The following ZNF593OS variants were observed in gnomAD, a reference collection of about 807,000 sequenced individuals.
The protein encoded by ZNF593OS is ZNF593 opposite strand, also known as transmembrane protein ZNF593OS.
At position 26,171,738 on chromosome 1, in the gene ZNF593OS, G is replaced by T. The variant is rs1379330673; in HGVS notation, c.-77C>A. 2.5e-6 allele frequency: 1 copy of T among 398,506 alleles called. No individual in the cohort carries two copies. The highest frequency in any genetic ancestry group is 4.4e-6 in the Non-Finnish European group (1 of 226,010). 24.7% of individuals were successfully genotyped at this position (398,506 alleles called of 1,614,324 possible). A position where few individuals can be genotyped will look rare whatever the true frequency, so the allele number is the denominator to read the frequency against. ...AGACCAGTGGTCTTCATGACACCAA[G>T]AAGTGGAAACTAGGGTAGAGGGGTC... On this transcript the variant is annotated 5_prime_UTR_variant, in exon 1 of 2. Coordinates refer to ENST00000648649, the Ensembl canonical transcript of ZNF593OS. This position sits in a 1 kb window ranked among gnomAD's most constrained non-coding sequence, Gnocchi z 5.5.
At chr1:26,170,564 C>G (rs1003442049) in exon 2 of ZNF593OS, 15 of 1,613,870 alleles carry the variant, frequency 9.3e-6, no homozygotes, top group Admixed American at 1.7e-5. Flanking sequence ...TCCTGTTTTT[C>G]TTTCTCCCAG....
At chr1:26,170,845 C>A in exon 2 of ZNF593OS, 1 of 1,236,960 alleles carries the variant, frequency 8.1e-7, no homozygotes, top group Non-Finnish European at 1.1e-6. Context: ...TGGTGCCCTG[C>A]CCCAAATAAA....
At chr1:26,170,882 C>A in exon 2 of ZNF593OS, 4 of 861,010 alleles carry the variant, frequency 4.6e-6, no homozygotes, top group Non-Finnish European at 5.2e-6. Context: ...AACTTGCCTC[C>A]AACTCTAACT....
Position 26,171,714 on chromosome 1 carries a change from G to T in ZNF593OS, c.-53C>A. ...CCTGTAGGGTGGGAGCGGACGTGAA[G>T]ACCAGTGGTCTTCATGACACCAAGA... On this transcript the variant is annotated 5_prime_UTR_variant, in exon 1 of 2. Transcript: ENST00000648649. The surrounding 1 kb of genome is among the most constrained non-coding windows in gnomAD (Gnocchi z 5.5). 1 of 398,586 alleles carries T rather than the reference G, an allele frequency of 2.5e-6. No individual in the cohort carries two copies. Among genetic ancestry groups the T allele is most frequent in the South Asian group, 1.3e-4 (1 of 7,850 alleles). The allele number at this position is 398,586 out of a possible 1,614,324, so 24.7% of individuals were successfully genotyped here. A position where few individuals can be genotyped will look rare whatever the true frequency, so the allele number is the denominator to read the frequency against.
At position 26,171,135 on chromosome 1, in the gene ZNF593OS, C is replaced by G. The variant is rs1892494; in HGVS notation, c.*54G>C. On this transcript the variant is annotated 3_prime_UTR_variant, in exon 2 of 2. Transcript: ENST00000648649. This position sits in a 1 kb window ranked among gnomAD's most constrained non-coding sequence, Gnocchi z 5.5. ...AGAAAAGAAGGCTTCTGAGATTGCA[C>G]CCCCCTCCCGAGTCACCTACCCCCA... is the stretch of plus-strand genomic sequence containing the variant. The G allele has an allele frequency of 0.37, 152,265 of 409,070 alleles. 32,837 individuals are homozygous for G. Among genetic ancestry groups the G allele is most frequent in the East Asian group, 0.68 (19,288 of 28,512 alleles). 25.3% of individuals were successfully genotyped at this position (409,070 alleles called of 1,614,324 possible). A position where few individuals can be genotyped will look rare whatever the true frequency, so the allele number is the denominator to read the frequency against.
chr1:26,170,663 G>A (rs919559605), exon 2 of ZNF593OS: 1 of 1,611,642 alleles, frequency 6.2e-7, no homozygotes, highest in Middle Eastern at 1.7e-4. Context: ...CAGGCGGCTG[G>A]CAGTGCCCAC....
downstream of ZNF593OS, chr1:26,170,255 GC>G: frequency 6.4e-7 from 1 of 1,569,308 alleles, no homozygotes. Context: ...TGAAGTTGAA[GC>G]CCCAGGCAGC....
At chr1:26,169,994 C>G (rs1233652950), downstream of ZNF593OS, 4 of 1,547,822 alleles carry the variant, frequency 2.6e-6, no homozygotes, top group Non-Finnish European at 3.5e-6. Context: ...ATGGGTCGCT[C>G]CCGCCGGACA....
At position 26,171,445 on chromosome 1, in the gene ZNF593OS, G is replaced by A. The variant is rs1209531208; in HGVS notation, c.46-110C>T. On this transcript the variant is annotated intron_variant, in intron 1 of 1. Coordinates refer to ENST00000648649, the Ensembl canonical transcript of ZNF593OS. This position sits in a 1 kb window ranked among gnomAD's most constrained non-coding sequence, Gnocchi z 5.5. Reference sequence around the variant, plus strand: ...CTAGGGGAAGGAGACATGGACGCCGGTCCTGCCCCAGGGAGATTCCACCCC... The same window carrying A: ...CTAGGGGAAGGAGACATGGACGCCGATCCTGCCCCAGGGAGATTCCACCCC... 6 of 398,714 alleles carry A rather than the reference G, an allele frequency of 1.5e-5. No individual in the cohort carries two copies. The highest frequency in any genetic ancestry group is 1.3e-5 in the Non-Finnish European group (3 of 226,384). 24.7% of individuals were successfully genotyped at this position (398,714 alleles called of 1,614,324 possible).
chr1:26,171,365 G>A lies in ZNF593OS; in HGVS notation c.46-30C>T. 1 of 399,926 alleles carries A rather than the reference G, an allele frequency of 2.5e-6. No homozygotes were observed. The highest frequency in any genetic ancestry group is 4.4e-6 in the Non-Finnish European group (1 of 227,046). 24.8% of individuals were successfully genotyped at this position (399,926 alleles called of 1,614,324 possible). ...AGGTGCACAGAGGGTGTGCCTCAGG[G>A]GTCAGTTGAGACTGCCAGGAAGGTG... On this transcript the variant is annotated intron_variant, in intron 1 of 1. Coordinates refer to ENST00000648649, the Ensembl canonical transcript of ZNF593OS. The surrounding 1 kb of genome is among the most constrained non-coding windows in gnomAD (Gnocchi z 5.5).
At chr1:26,170,827 C>CACCAAGAAGAGG in exon 2 of ZNF593OS, 1 of 1,391,428 alleles carries the variant, frequency 7.2e-7, no homozygotes, top group Non-Finnish European at 9.6e-7. Context: ...GAGCGGAGGG[C>CACCAAGAAGAGG]CTCTTCTTGG....
downstream of ZNF593OS, chr1:26,169,834 G>C (rs2088465376): frequency 5.9e-6 from 5 of 848,064 alleles, no homozygotes; most frequent in Non-Finnish European, 8.4e-6. Context: ...CGCTCGAGCC[G>C]CTGGCCGAGA....
downstream of ZNF593OS, chr1:26,170,136 C>T (rs761571363): frequency 1.9e-6 from 3 of 1,571,356 alleles, no homozygotes; most frequent in African/African-American, 4.1e-5. Flanking sequence ...ACGCCGAGTT[C>T]GACCCCGACC....
Position 26,171,524 on chromosome 1 carries a change from C to T in ZNF593OS, c.45+93G>A, listed in dbSNP as rs1175955816. ...GCCTGCCTGCTCAGGCGGCAGGGAA[C>T]GTGACAGCCTGGCTGTTGGGGGTGT... is the stretch of plus-strand genomic sequence containing the variant. On this transcript the variant is annotated intron_variant, in intron 1 of 1. Coordinates refer to ENST00000648649, the Ensembl canonical transcript of ZNF593OS. The surrounding 1 kb of genome is among the most constrained non-coding windows in gnomAD (Gnocchi z 5.5). 5 of 398,504 alleles carry T rather than the reference C, an allele frequency of 1.3e-5. No homozygotes were observed. Among genetic ancestry groups the T allele is most frequent in the Admixed American group, 8.8e-5 (2 of 22,718 alleles). The allele number at this position is 398,504 out of a possible 1,614,324, so 24.7% of individuals were successfully genotyped here.
At chr1:26,170,881 C>G in exon 2 of ZNF593OS, 1 of 863,200 alleles carries the variant, frequency 1.2e-6, no homozygotes, top group East Asian at 2.7e-5. Flanking sequence ...GAACTTGCCT[C>G]CAACTCTAAC....
chr1:26,170,625 C>T (rs1486303622), exon 2 of ZNF593OS: 17 of 1,613,332 alleles, frequency 1.1e-5, no homozygotes, highest in Non-Finnish European at 1.4e-5. Context: ...GCGGAGAGGG[C>T]AGCGGGTATG....
At chr1:26,169,884 C>A (rs1569860003), downstream of ZNF593OS, 3 of 1,286,782 alleles carry the variant, frequency 2.3e-6, no homozygotes, top group South Asian at 3.2e-5. Context: ...CCTGCCTAGC[C>A]CCCCGGCGTG....
At chr1:26,170,160 T>C (rs7087), downstream of ZNF593OS, 526,949 of 1,568,944 alleles carry the variant, frequency 0.34, 98,230 homozygotes, top group East Asian at 0.67. Flanking sequence ...CAGGGGGCGG[T>C]CTGCACCGCT....
downstream of ZNF593OS, chr1:26,170,396 C>A: frequency 6.2e-7 from 1 of 1,610,160 alleles, no homozygotes; most frequent in Non-Finnish European, 8.5e-7. Context: ...CCTCACTCTC[C>A]TTCTCACTTC....
Sources: gnomAD v4.1 joint callset for allele counts on GRCh38, gnomAD v4.1.1 for gene constraint, Gnocchi (gnomAD v3.1) non-coding constraint, MANE v1.5 for transcripts, NCBI Gene and HGNC (gene_info 2026-07-23, HGNC 2026-07-21) for gene names.